Variants in PHF24 observed in about 807,000 individuals in gnomAD.
PHF24 encodes the protein PHD finger protein 24.
Under a neutral mutation model 42.6 loss-of-function variants are expected in PHF24, and 25 were observed. The ratio of observed to expected loss-of-function variants is 0.59; its 90% CI spans 0.43 to 0.82. The LOEUF (loss-of-function observed/expected upper bound fraction) is 0.82, where lower values mean the gene tolerates loss of function less well. PHF24 is among the 40% of genes least tolerant of loss of function. The probability of loss-of-function intolerance (pLI) is 0.00; values close to 1 mark genes in which losing one functional copy is unlikely to be tolerated. For synonymous variants in PHF24, 185 were observed against 204.8 expected (o/e 0.90, Z 0.83); for missense variants, 470 against 538.1 (o/e 0.87, Z 1.25).
chr9:34,736,031 A>G, the PHF24 span, among the ~76,000 whole-genome samples: 19 of 152,270 alleles, frequency 1.2e-4, no homozygotes, highest in African/African-American at 4.3e-4. Flanking sequence ...TTACACAGAT[A>G]AAGGTTGCTT....
chr9:34,976,241 G>A lies in PHF24; in HGVS notation c.643+11G>A. The A allele has an allele frequency of 6.2e-7, 1 of 1,611,162 alleles. No homozygotes were observed. The highest frequency in any genetic ancestry group is 1.7e-4 in the Middle Eastern group (1 of 6,050). ...GTAAAGTCATCCCTGGTAAGGTTGG[G>A]TGGTGCTGCATGGATGGAGAGGGGC... is the stretch of plus-strand genomic sequence containing the variant. On this transcript the variant is annotated intron_variant, in intron 4 of 7. Transcript: ENST00000242315.
chr9:34,833,284 G>A, the PHF24 span: 1 of 1,551,246 alleles, frequency 6.4e-7, no homozygotes. Flanking sequence ...CACAAGGCAT[G>A]TGGGCCTCTG....
the PHF24 span, among the ~76,000 whole-genome samples, chr9:34,936,085 T>C: frequency 7.1e-6 from 1 of 140,728 alleles, no homozygotes; most frequent in African/African-American, 2.8e-5. Context: ...GGTCTCCCTC[T>C]CCCTCTCTTT....
At chr9:34,860,680 C>T in the PHF24 span, among the ~76,000 whole-genome samples, 109 of 130,862 alleles carry the variant, frequency 8.3e-4, no homozygotes, top group Middle Eastern at 3.6e-3. Context: ...ATAATGAGAC[C>T]TTTAAAAGTG....
rs151072842 is a variant in PHF24, at chr9:34,968,606, G to A, written c.-4-2689G>A. Among the ~76,000 whole-genome samples the A allele has an allele frequency of 1.7e-3, 252 of 152,342 alleles. No individual in the cohort carries two copies. The Middle Eastern group carries it at 0.02, about 12-fold the overall frequency. Reference sequence around the variant, plus strand: ...GTAGTAGTAGTGGCAAGGCAAGCACGTGAGCAGTGTAGGAGTTCGCACCAC... The same window carrying A: ...GTAGTAGTAGTGGCAAGGCAAGCACATGAGCAGTGTAGGAGTTCGCACCAC... On this transcript the variant is annotated intron_variant, in intron 1 of 7. Transcript: ENST00000242315.
the PHF24 span, chr9:34,709,298 G>C: frequency 6.9e-7 from 1 of 1,455,478 alleles, no homozygotes; most frequent in Non-Finnish European, 9.5e-7. Context: ...GCTGCTCCAG[G>C]GCCCCTGAGC....
intron 3 of PHF24, among the ~76,000 whole-genome samples, chr9:34,974,253 A>C (rs1827108724): frequency 6.6e-6 from 1 of 152,160 alleles, no homozygotes; most frequent in South Asian, 2.1e-4. Flanking sequence ...TGCATCCATC[A>C]TTCTGCAGAA....
At chr9:34,809,435 A>G in the PHF24 span, among the ~76,000 whole-genome samples, 49,345 of 152,002 alleles carry the variant, frequency 0.32, 8,615 homozygotes, top group East Asian at 0.55. This position sits in a 1 kb window ranked among gnomAD's most constrained non-coding sequence, Gnocchi z 4.1. Context: ...GGCTGTTTGA[A>G]TAGTCTGAGG....
chr9:34,728,137 A>G, the PHF24 span: 3 of 1,504,100 alleles, frequency 2.0e-6, no homozygotes, highest in East Asian at 2.5e-5. Context: ...TAGGCATCCT[A>G]TAGGAAGCTG....
At chr9:34,948,020 A>G in the PHF24 span, among the ~76,000 whole-genome samples, 33 of 151,830 alleles carry the variant, frequency 2.2e-4, no homozygotes, top group African/African-American at 7.5e-4. Flanking sequence ...GAGGCAGGAG[A>G]ATGGCGTGAA....
the PHF24 span, chr9:34,837,621 G>A: frequency 1.6e-5 from 24 of 1,475,944 alleles, no homozygotes; most frequent in South Asian, 2.8e-4. Flanking sequence ...CACCCACAGT[G>A]GAAGGGAGTC....
the PHF24 span, among the ~76,000 whole-genome samples, chr9:34,712,602 G>C: frequency 6.6e-6 from 1 of 151,796 alleles, no homozygotes; most frequent in Non-Finnish European, 1.5e-5. Flanking sequence ...ATTTCTGCTT[G>C]AGTCCTTTTT....
At chr9:34,899,303 C>G in the PHF24 span, among the ~76,000 whole-genome samples, 78 of 152,188 alleles carry the variant, frequency 5.1e-4, 1 homozygote, top group Admixed American at 2.9e-3. Context: ...TAAGCCAGAC[C>G]CTGCTTTCAT....
At chr9:34,860,510 T>G in the PHF24 span, among the ~76,000 whole-genome samples, 3 of 152,206 alleles carry the variant, frequency 2.0e-5, no homozygotes, top group Non-Finnish European at 4.4e-5. Context: ...GATTAAAACT[T>G]TCATTTATTT....
the PHF24 span, among the ~76,000 whole-genome samples, chr9:34,836,343 G>T: frequency 6.6e-6 from 1 of 152,218 alleles, no homozygotes; most frequent in Non-Finnish European, 1.5e-5. Context: ...AGCTGAACTA[G>T]GAGAAAGGAA....
At chr9:34,684,871 G>C in the PHF24 span, among the ~76,000 whole-genome samples, 1 of 152,110 alleles carries the variant, frequency 6.6e-6, no homozygotes, top group African/African-American at 2.4e-5. Context: ...GGTTGGAGCC[G>C]AGGGTGGCTC....
the PHF24 span, among the ~76,000 whole-genome samples, chr9:34,735,536 C>A: frequency 6.6e-6 from 1 of 151,810 alleles, no homozygotes; most frequent in African/African-American, 2.4e-5. Context: ...CACGGTGGCT[C>A]ACGCCTGTAA....
chr9:34,795,464 T>C, the PHF24 span, among the ~76,000 whole-genome samples: 1 of 151,934 alleles, frequency 6.6e-6, no homozygotes, highest in African/African-American at 2.4e-5. Context: ...TCTACAATAA[T>C]TGATTAAAAG....
At chr9:34,721,861 T>A in the PHF24 span, among the ~76,000 whole-genome samples, 2 of 152,198 alleles carry the variant, frequency 1.3e-5, no homozygotes, top group Non-Finnish European at 2.9e-5. Flanking sequence ...ATGCAGTTGA[T>A]CTCTCCTTGA....
Sources: gnomAD v4.1 joint callset for allele counts (sites outside exome capture counted in the v4.1 genomes callset) on GRCh38, gnomAD v4.1.1 for gene constraint, Gnocchi (gnomAD v3.1) non-coding constraint, MANE v1.5 for transcripts, NCBI Gene and HGNC (gene_info 2026-07-23, HGNC 2026-07-21) for gene names.